The following MAP1B variants were observed in gnomAD, a reference collection of about 807,000 sequenced individuals.
MAP1B encodes the protein microtubule-associated protein 1B.
Under a neutral mutation model 176.1 loss-of-function variants are expected in MAP1B, and 12 were observed. That is an observed-to-expected ratio of 0.07 (90% CI 0.04 to 0.11). MAP1B has a LOEUF of 0.11. Ranked by LOEUF, MAP1B falls within the 10% of genes least tolerant of loss-of-function variation. The pLI, the probability that MAP1B is intolerant of heterozygous loss-of-function variation, is 1.00. For missense variants in MAP1B, 2,523 were observed against 2,990.5 expected (o/e 0.84, Z 3.65); for synonymous variants, 1,044 against 1,135.0 (o/e 0.92, Z 1.61).
chr5:72,173,435 A>G (rs1214333651), intron 2 of MAP1B, among the ~76,000 whole-genome samples: 2 of 152,224 alleles, frequency 1.3e-5, no homozygotes, highest in East Asian at 1.9e-4. Context: ...AGTAATTCAC[A>G]TTGTTTTAAC....
At chr5:72,183,865 C>A in intron 3 of MAP1B, 40 bp downstream of exon 3, 2 of 1,539,774 alleles carry the variant, frequency 1.3e-6, no homozygotes, top group Non-Finnish European at 1.8e-6. Flanking sequence ...CCGGGCCCCA[C>A]ACACTGGATA....
intron 1 of MAP1B, among the ~76,000 whole-genome samples, chr5:72,110,203 C>G (rs1745301547): frequency 6.6e-6 from 1 of 152,208 alleles, no homozygotes; most frequent in African/African-American, 2.4e-5. Context: ...TACTGGAACC[C>G]CAGAAGCCCC....
chr5:72,143,474 G>T (rs548303574), intron 2 of MAP1B, among the ~76,000 whole-genome samples: 14 of 152,258 alleles, frequency 9.2e-5, no homozygotes, highest in African/African-American at 3.4e-4. Context: ...GGACGTATCG[G>T]TTTGCCACCA....
chr5:72,163,497 C>G (rs189084471), intron 2 of MAP1B, among the ~76,000 whole-genome samples: 116 of 152,316 alleles, frequency 7.6e-4, no homozygotes, highest in African/African-American at 2.7e-3. Flanking sequence ...GCTTCTCTTG[C>G]AGCCCATCTG....
Position 72,186,345 on chromosome 5 carries a change from C to T in MAP1B, c.370-269C>T, listed in dbSNP as rs762256308. ...AAACTAGGGGGAGAAAGTCAACTAT[C>T]GCTACTGTCGTGATTGTAGAGAAAC... On this transcript the variant is annotated intron_variant, in intron 3 of 6. Transcript: ENST00000296755. The surrounding 1 kb of genome is among the most constrained non-coding windows in gnomAD (Gnocchi z 4.3). 2.6e-5 allele frequency among the ~76,000 whole-genome samples: 4 copies of T among 152,328 alleles called. No homozygotes were observed. The South Asian group carries it at 6.2e-4, about 24-fold the overall frequency.
intron 2 of MAP1B, among the ~76,000 whole-genome samples, chr5:72,148,040 C>T (rs1746076896): frequency 2.0e-5 from 3 of 151,826 alleles, no homozygotes; most frequent in East Asian, 1.9e-4. Context: ...TCAGAACAAT[C>T]GATTATAAGG....
At chr5:72,166,641 G>A (rs549895521) in intron 2 of MAP1B, among the ~76,000 whole-genome samples, 5 of 152,288 alleles carry the variant, frequency 3.3e-5, no homozygotes, top group African/African-American at 4.8e-5. Context: ...TGTGAGGCCC[G>A]AGGCCGAGCT....
intron 4 of MAP1B, 114 bp from the exon 5 acceptor site, chr5:72,193,752 T>C (rs1211915134): frequency 1.7e-6 from 2 of 1,157,804 alleles, no homozygotes; most frequent in East Asian, 5.1e-5. Flanking sequence ...TGTCTGAAAC[T>C]GGTCCTATGT....
rs538609053 is a variant in MAP1B, at chr5:72,195,074, C to G, written c.1719C>G (p.His573Gln). Residue 573 changes from histidine (H) to glutamine (Q), a missense_variant, in exon 5 of 7, where the codon CAC becomes CAG. His to Gln is a conservative substitution (Grantham distance 24). Around this residue, in one of 4 missense-constraint regions of MAP1B, gnomAD observed 1,925 missense variants for 2,126.0 expected, o/e 0.91. Coordinates refer to ENST00000296755, the MANE Select transcript of MAP1B (RefSeq NM_005909.5). Reference protein sequence around the residue: ...EETPEVTKVNHVEKPPKVESK... With the variant: ...EETPEVTKVNQVEKPPKVESK... ...CCCCTGAGGTCACAAAAGTGAATCA[C>G]GTGGAAAAGCCACCCAAAGTTGAAA... The G allele has an allele frequency of 3.1e-6, 5 of 1,613,874 alleles. No individual in the cohort carries two copies. The highest frequency in any genetic ancestry group is 4.2e-6 in the Non-Finnish European group (5 of 1,179,992).
intron 2 of MAP1B, among the ~76,000 whole-genome samples, chr5:72,158,200 G>A (rs755772252): frequency 6.6e-6 from 1 of 150,474 alleles, no homozygotes; most frequent in African/African-American, 2.4e-5. Flanking sequence ...AGTAGAGATG[G>A]GGTTTCACTA....
chr5:72,193,174 A>C, intron 4 of MAP1B: 1 of 326,460 alleles, frequency 3.1e-6, no homozygotes, highest in Non-Finnish European at 6.1e-6. Context: ...ATCAGCGTGC[A>C]CTGATGCCAG....
intron 4 of MAP1B, among the ~76,000 whole-genome samples, chr5:72,187,355 G>A (rs1366083846): frequency 6.6e-6 from 1 of 152,226 alleles, no homozygotes; most frequent in African/African-American, 2.4e-5. Context: ...CATATAAAGT[G>A]TTGAAAACTG....
At chr5:72,129,556 TAAA>T (rs879933423) in intron 2 of MAP1B, among the ~76,000 whole-genome samples, 1 of 140,894 alleles carries the variant, frequency 7.1e-6, no homozygotes, top group African/African-American at 2.6e-5. Context: ...GACTCCGTCC[TAAA>T]AAAAAAAAAA....
In MAP1B at chr5:72,195,710, T is replaced by A. The variant is rs1321903163; in HGVS notation, c.2355T>A (p.Ile785=). Residue 785 remains isoleucine (I), a synonymous_variant, in exon 5 of 7, where the codon ATT becomes ATA. Transcript: ENST00000296755. ...KPKEKGKIKV[I]KKEGKAAEAV... ...AGGAGAAGGGGAAAATAAAAGTCAT[T>A]AAGAAGGAAGGCAAGGCCGCAGAGG... 1 of 1,613,764 alleles carries A rather than the reference T, an allele frequency of 6.2e-7. No individual in the cohort carries two copies. The highest frequency in any genetic ancestry group is 2.2e-5 in the East Asian group (1 of 44,876).
intron 3 of MAP1B, among the ~76,000 whole-genome samples, chr5:72,184,379 T>G (rs1746843729): frequency 6.6e-6 from 1 of 152,206 alleles, no homozygotes; most frequent in African/African-American, 2.4e-5. Flanking sequence ...AGCAAGTTAT[T>G]TACTGTCTTT....
At chr5:72,200,419 G>A (rs758668476) in intron 5 of MAP1B, 52 bp downstream of exon 5, 98 of 1,568,690 alleles carry the variant, frequency 6.2e-5, no homozygotes, top group South Asian at 7.3e-5. Flanking sequence ...TTCTACTTGC[G>A]TTTACAGCCT....
In MAP1B at chr5:72,126,646, C is replaced by T. The variant is rs1174063780; in HGVS notation, c.286+10847C>T. 2.6e-5 allele frequency among the ~76,000 whole-genome samples: 4 copies of T among 152,194 alleles called. No individual in the cohort carries two copies. The East Asian group carries it at 7.7e-4, about 29-fold the overall frequency. On this transcript the variant is annotated intron_variant, in intron 2 of 6. Transcript: ENST00000296755. ...GAATTTTTACTAAATTGTCTCATCACTCGTATGTAGATGGGAGCTTGTCTT... is the reference window on the plus strand; with the variant it reads ...GAATTTTTACTAAATTGTCTCATCATTCGTATGTAGATGGGAGCTTGTCTT...
chr5:72,135,632 CA>C (rs1745825680), intron 2 of MAP1B, among the ~76,000 whole-genome samples: 1 of 152,142 alleles, frequency 6.6e-6, no homozygotes, highest in African/African-American at 2.4e-5. Flanking sequence ...GAAACCCTTA[CA>C]ATAGTTCTCA....
At chr5:72,162,602 A>C (rs993690189) in intron 2 of MAP1B, among the ~76,000 whole-genome samples, 15 of 152,318 alleles carry the variant, frequency 9.8e-5, no homozygotes, top group Admixed American at 8.5e-4. Context: ...CTAAAAAAAA[A>C]TAAAGATGTT....
Sources: gnomAD v4.1 joint callset for allele counts (sites outside exome capture counted in the v4.1 genomes callset) on GRCh38, gnomAD v4.1.1 for gene constraint, gnomAD v4.1.1 regional missense constraint, Gnocchi (gnomAD v3.1) non-coding constraint, MANE v1.5 for transcripts, NCBI Gene and HGNC (gene_info 2026-07-23, HGNC 2026-07-21) for gene names.